Variants in ACOX2 observed in about 807,000 individuals in gnomAD.
The protein encoded by ACOX2 is peroxisomal acyl-coenzyme A oxidase 2.
ACOX2 carries 59 observed loss-of-function variants against 77.5 expected under a neutral mutation model. The ratio of observed to expected loss-of-function variants is 0.76; its 90% CI spans 0.62 to 0.95. The LOEUF is 0.95. Among genes scored for constraint, ACOX2 ranks in the 40% least tolerant of loss-of-function variants. The pLI, the probability that ACOX2 is intolerant of heterozygous loss-of-function variation, is 0.00. For synonymous variants in ACOX2, 317 were observed against 340.1 expected, an observed-to-expected ratio of 0.93 and a Z score of 0.75; for missense variants, 837 against 880.4, an observed-to-expected ratio of 0.95 and a Z score of 0.62.
intron 8 of ACOX2, 21 bp downstream of exon 8, chr3:58,530,445 C>A: frequency 6.2e-7 from 1 of 1,610,258 alleles, no homozygotes; most frequent in South Asian, 1.1e-5. Context: ...CTGCGGTAGT[C>A]AGTCACTGGG....
chr3:58,530,281 A>C (rs1038502648), intron 8 of ACOX2, among the ~76,000 whole-genome samples, 185 bp downstream of exon 8: 3 of 152,208 alleles, frequency 2.0e-5, no homozygotes, highest in Non-Finnish European at 4.4e-5. Flanking sequence ...GCAGCCAGAG[A>C]GACTCCTCTG....
chr3:58,531,357 A>G lies in ACOX2; in HGVS notation c.713T>C (p.Ile238Thr), dbSNP rs114465932. ...GTCCATCTTGGGTCCGATGTCCCCA[A>G]TGATGATTCCTTGAAGGAGATGGAG... ...QDHTPLPGIIIGDIGPKMDFD... is the reference protein window; with the variant it reads ...QDHTPLPGIITGDIGPKMDFD... The change falls in exon 7 of 15, where the codon ATT becomes ACT. Residue 238 changes from isoleucine (I) to threonine (T), a missense_variant. Ile to Thr is a moderately conservative substitution (Grantham distance 89, BLOSUM62 -1). Transcript: ENST00000302819. The surrounding 1 kb of genome is among the most constrained non-coding windows in gnomAD (Gnocchi z 5.8). The G allele has an allele frequency of 1.8e-3, 2,836 of 1,613,672 alleles. 36 individuals are homozygous for G. The African/African-American group carries it at 0.023, about 13-fold the overall frequency.
At position 58,533,448 on chromosome 3, in the gene ACOX2, C is replaced by T. The variant is rs1278034760; in HGVS notation, c.580G>A (p.Asp194Asn). 1.4e-5 allele frequency: 23 copies of T among 1,613,570 alleles called. No individual in the cohort carries two copies. Among genetic ancestry groups the T allele is most frequent in the Non-Finnish European group, 1.9e-5 (23 of 1,179,818 alleles). Residue 194 changes from aspartate (D) to asparagine (N), a missense_variant, in exon 5 of 15, where the codon GAC becomes AAC. By Grantham distance (23) the Asp-to-Asn change is conservative. Coordinates refer to ENST00000302819, the MANE Select transcript of ACOX2 (RefSeq NM_003500.4). This position sits in a 1 kb window ranked among gnomAD's most constrained non-coding sequence, Gnocchi z 5.6. ...AGGGGGGTGGATGTATACTCACAGT[C>T]TCCAGGCCACCATTTGGTGGCAGTC... Reference protein sequence around the residue: ...TLTATKWWPGDLGRSATHALV... With the variant: ...TLTATKWWPGNLGRSATHALV...
chr3:58,536,341 T>G (rs1289998741), intron 1 of ACOX2, among the ~76,000 whole-genome samples: 1 of 152,208 alleles, frequency 6.6e-6, no homozygotes, highest in African/African-American at 2.4e-5. Flanking sequence ...TCCGGCAGGC[T>G]GCCATGCTTT....
rs2063430049 is a variant in ACOX2, at chr3:58,530,514, A to G, written c.944T>C (p.Ile315Thr). 6.2e-7 allele frequency: 1 copy of G among 1,614,224 alleles called. No homozygotes were observed. Among genetic ancestry groups the G allele is most frequent in the East Asian group, 2.2e-5 (1 of 44,880 alleles). Residue 315 changes from isoleucine to threonine, a missense_variant, in exon 8 of 15, where the codon ATC (isoleucine) becomes ACC (threonine). Coordinates refer to ENST00000302819, the MANE Select transcript of ACOX2 (RefSeq NM_003500.4). ...GCGGATGACCGAGTAGCGCATGGCG[A>G]TGACACAGGCCTTCTGCAGTATAGG... ...ILPILQKACV[I>T]AMRYSVIRRQ...
In ACOX2 at chr3:58,535,269, G is replaced by A. The variant is rs2063473695; in HGVS notation, c.-91-72C>T. 8 of 782,344 alleles carry A rather than the reference G, an allele frequency of 1.0e-5. No homozygotes were observed. Among genetic ancestry groups the A allele is most frequent in the South Asian group, 3.4e-5 (2 of 58,850 alleles). The allele number at this position is 782,344 out of a possible 1,614,324, so 48.5% of individuals were successfully genotyped here. On this transcript the variant is annotated intron_variant, in intron 1 of 14. Coordinates refer to ENST00000302819, the MANE Select transcript of ACOX2 (RefSeq NM_003500.4). This position sits in a 1 kb window ranked among gnomAD's most constrained non-coding sequence, Gnocchi z 4.8. ...GTTGGTAGAAGAAAGACATCCCTAA[G>A]TACCTGAATGCCACTCCACCTCCCC...
chr3:58,530,713 G>T, intron 7 of ACOX2, 75 bp from the exon 8 acceptor site: 1 of 1,485,582 alleles, frequency 6.7e-7, no homozygotes, highest in East Asian at 2.4e-5. Flanking sequence ...AGAGCTGTGG[G>T]GCTCCACACA....
At chr3:58,529,388 G>C (rs1268576969) in intron 8 of ACOX2, among the ~76,000 whole-genome samples, 2 of 152,190 alleles carry the variant, frequency 1.3e-5, no homozygotes, top group Non-Finnish European at 2.9e-5. Flanking sequence ...ATAACTCTTA[G>C]GATGTAAACT....
At position 58,533,726 on chromosome 3, in the gene ACOX2, C is replaced by T; in HGVS notation, c.476-174G>A. The T allele has an allele frequency of 1.5e-6, 1 of 684,728 alleles. No individual in the cohort carries two copies. The highest frequency in any genetic ancestry group is 2.5e-6 in the Non-Finnish European group (1 of 404,694). The allele number at this position is 684,728 out of a possible 1,614,324, so 42.4% of individuals were successfully genotyped here. On this transcript the variant is annotated intron_variant, in intron 4 of 14. Transcript: ENST00000302819. The surrounding 1 kb of genome is among the most constrained non-coding windows in gnomAD (Gnocchi z 5.6). Reference sequence around the variant, plus strand: ...TCATCTGTGGGCTGTGTGTGGGACACACAGTCCCCTATAGCCAGTCCATGA... The same window carrying T: ...TCATCTGTGGGCTGTGTGTGGGACATACAGTCCCCTATAGCCAGTCCATGA...
chr3:58,518,796 CTT>C (rs796292356), intron 12 of ACOX2, among the ~76,000 whole-genome samples: 8 of 141,546 alleles, frequency 5.7e-5, no homozygotes, highest in Admixed American at 7.1e-5. Flanking sequence ...CCATGCCCGG[CTT>C]TTTTTTTTTT....
At position 58,505,157 on chromosome 3, in the gene ACOX2, T is replaced by C; in HGVS notation, c.*67A>G. ...AATATCTAATTTAAAATTTTAATGT[T>C]GCATATATGCCATAGTACCATTATC... On this transcript the variant is annotated 3_prime_UTR_variant, in exon 15 of 15. Transcript: ENST00000302819. This position sits in a 1 kb window ranked among gnomAD's most constrained non-coding sequence, Gnocchi z 4.4. 7.7e-7 allele frequency: 1 copy of C among 1,301,974 alleles called. No homozygotes were observed. The highest frequency in any genetic ancestry group is 1.1e-6 in the Non-Finnish European group (1 of 925,750). 80.7% of individuals were successfully genotyped at this position (1,301,974 alleles called of 1,614,324 possible).
chr3:58,522,483 G>A lies in ACOX2; in HGVS notation c.1632+13C>T. The A allele has an allele frequency of 6.2e-7, 1 of 1,612,338 alleles. No homozygotes were observed. The highest frequency in any genetic ancestry group is 8.5e-7 in the Non-Finnish European group (1 of 1,178,420). Reference sequence around the variant, plus strand: ...AAATGGATCCCTTTCAGCTTCAGCTGGCAGGCGCTCACCTTAGCAGCCTGG... The same window carrying A: ...AAATGGATCCCTTTCAGCTTCAGCTAGCAGGCGCTCACCTTAGCAGCCTGG... On this transcript the variant is annotated intron_variant, in intron 12 of 14. Transcript: ENST00000302819. The surrounding 1 kb of genome is among the most constrained non-coding windows in gnomAD (Gnocchi z 4.3).
chr3:58,528,858 A>G lies in ACOX2; in HGVS notation c.1091T>C (p.Leu364Pro), dbSNP rs752841748. The change falls in exon 9 of 15, where the codon CTC (leucine) becomes CCC (proline). Residue 364 changes from leucine to proline, a missense_variant. Leu to Pro is a moderately conservative substitution (Grantham distance 98). Transcript: ENST00000302819. This position sits in a 1 kb window ranked among gnomAD's most constrained non-coding sequence, Gnocchi z 5.6. ...GTAGGAGTGCTGGAAGAACTCCAAG[A>G]GGCTGACTGCCAGGAAATGGAAGGC... ...SYAFHFLAVS[L>P]LEFFQHSYTA... 1.9e-6 allele frequency: 3 copies of G among 1,613,942 alleles called. No individual in the cohort carries two copies. In the South Asian group the frequency reaches 3.3e-5, roughly 18 times the overall value.
rs370633927 is a variant in ACOX2 at position 58,530,655 on chromosome 3, C to T, written c.820-17G>A. The T allele has an allele frequency of 5.8e-5, 93 of 1,610,754 alleles. No homozygotes were observed. In the African/African-American group the frequency reaches 7.2e-4, roughly 12 times the overall value. On this transcript the variant is annotated splice_polypyrimidine_tract_variant and intron_variant, in intron 7 of 14. Transcript: ENST00000302819. The stretch of plus-strand genomic sequence containing the variant: ...TGGCAAGACCTGTGTGGAACAAGGA[C>T]GGGCACAAGTTCTGGGCCAAGGCTT...
rs2063377333 is a variant in ACOX2 at position 58,524,056 on chromosome 3, A to T, written c.1526+370T>A. On this transcript the variant is annotated intron_variant, in intron 11 of 14. Transcript: ENST00000302819. The surrounding 1 kb of genome is among the most constrained non-coding windows in gnomAD (Gnocchi z 5.5). ...TTAGATTATGGGATATTTCAAACGT[A>T]CGAGTGAGTATTGCTTTATTTATTG... Among the ~76,000 whole-genome samples, 1 of 152,250 alleles carries T rather than the reference A, an allele frequency of 6.6e-6. No individual in the cohort carries two copies. Among genetic ancestry groups the T allele is most frequent in the East Asian group, 1.9e-4 (1 of 5,206 alleles).
chr3:58,507,805 GGTTA>G lies in ACOX2; in HGVS notation c.1983+1084_1983+1087del, dbSNP rs1260746217. On this transcript the variant is annotated intron_variant, in intron 14 of 14. Coordinates refer to ENST00000302819, the MANE Select transcript of ACOX2 (RefSeq NM_003500.4). ...CTGGGGACAGGGAGTGACCAAGATG[GGTTA>G]GTTGTGTTGTAACTTTAGATAATCA... is the stretch of plus-strand genomic sequence containing the variant. Among the ~76,000 whole-genome samples, 5 of 152,302 alleles carry G rather than the reference GGTTA, an allele frequency of 3.3e-5. No individual in the cohort carries two copies. The East Asian group carries it at 9.6e-4, about 29-fold the overall frequency.
chr3:58,511,227 C>T, intron 13 of ACOX2: 1 of 322,648 alleles, frequency 3.1e-6, no homozygotes, highest in Admixed American at 4.5e-5. Flanking sequence ...TCTCCAACAA[C>T]ATCAAAATTC....
chr3:58,520,326 C>G (rs1446538388), intron 12 of ACOX2, among the ~76,000 whole-genome samples: 1 of 152,236 alleles, frequency 6.6e-6, no homozygotes, highest in Non-Finnish European at 1.5e-5. Flanking sequence ...ATTCCTAACC[C>G]TGTGTGGCCA....
rs146289518 is a variant in ACOX2, at chr3:58,529,676, T to C, written c.993-720A>G. Among the ~76,000 whole-genome samples the C allele has an allele frequency of 7.5e-4, 114 of 152,328 alleles. 1 individual carries two copies. The highest frequency in any genetic ancestry group is 3.4e-3 in the Middle Eastern group (1 of 294). On this transcript the variant is annotated intron_variant, in intron 8 of 14. Transcript: ENST00000302819. ...GTGGCCCTGTCCTCCAGAGAACTCT[T>C]GCAGCCCAGATTCTGAAGCCCAGGC...
Sources: allele counts gnomAD v4.1 joint callset (sites outside exome capture counted in the v4.1 genomes callset), GRCh38; gene constraint gnomAD v4.1.1; non-coding constraint Gnocchi (gnomAD v3.1); transcripts MANE v1.5; gene names NCBI Gene and HGNC (gene_info 2026-07-23, HGNC 2026-07-21).